The following TRIO variants were observed in gnomAD, a reference collection of about 807,000 sequenced individuals.
TRIO encodes the protein triple functional domain protein.
A neutral mutation model predicts 351.9 loss-of-function variants in TRIO; 58 were observed. The ratio of observed to expected loss-of-function variants is 0.16; its 90% CI spans 0.13 to 0.21. The LOEUF (loss-of-function observed/expected upper bound fraction) is 0.21, where lower values mean the gene tolerates loss of function less well. Ranked by LOEUF, TRIO falls within the 10% of genes least tolerant of loss-of-function variation. The probability of loss-of-function intolerance (pLI) is 1.00; values close to 1 mark genes in which losing one functional copy is unlikely to be tolerated. For synonymous variants in TRIO, 1,758 were observed against 1,595.7 expected, an observed-to-expected ratio of 1.10 and a Z score of -2.42; for missense variants, 3,201 against 4,027.8, an observed-to-expected ratio of 0.79 and a Z score of 5.56.
chr5:14,235,581 T>C (rs1181157871), intron 1 of TRIO, among the ~76,000 whole-genome samples: 1 of 152,160 alleles, frequency 6.6e-6, no homozygotes, highest in Non-Finnish European at 1.5e-5. Flanking sequence ...ATGTTTGTTG[T>C]TACAGTTACA....
intron 39 of TRIO, 132 bp downstream of exon 39, chr5:14,472,790 G>A (rs1285452588): frequency 6.2e-6 from 6 of 961,952 alleles, no homozygotes; most frequent in South Asian, 4.2e-5. Flanking sequence ...AGTGACCAAC[G>A]ATGTATTTCC....
At chr5:14,357,179 G>A (rs753428386) in intron 11 of TRIO, among the ~76,000 whole-genome samples, 1 of 152,220 alleles carries the variant, frequency 6.6e-6, no homozygotes, top group Non-Finnish European at 1.5e-5. Flanking sequence ...GTGCAGTTTT[G>A]ACTTATGAGT....
chr5:14,442,384 G>T (rs1752124873), intron 34 of TRIO, among the ~76,000 whole-genome samples: 1 of 152,144 alleles, frequency 6.6e-6, no homozygotes, highest in Non-Finnish European at 1.5e-5. Context: ...AAAGAAAGGG[G>T]GTAGGGTGTC....
chr5:14,447,105 AC>A (rs1411771449), intron 34 of TRIO, among the ~76,000 whole-genome samples: 8 of 152,110 alleles, frequency 5.3e-5, no homozygotes, highest in Non-Finnish European at 1.2e-4. Context: ...GGTGGCGGGC[AC>A]CTATAATTCC....
chr5:14,369,071 C>G (rs566950873), intron 17 of TRIO, among the ~76,000 whole-genome samples, 172 bp downstream of exon 17: 1 of 152,258 alleles, frequency 6.6e-6, no homozygotes, highest in Non-Finnish European at 1.5e-5. Flanking sequence ...CCTTAGATGT[C>G]AAAGGTAATA....
At chr5:14,446,420 G>A (rs1027037042) in intron 34 of TRIO, among the ~76,000 whole-genome samples, 1 of 152,072 alleles carries the variant, frequency 6.6e-6, no homozygotes, top group African/African-American at 2.4e-5. Flanking sequence ...CAAAAAAGTG[G>A]GAGACAGCTC....
At chr5:14,456,305 T>A (rs1255183159) in intron 34 of TRIO, among the ~76,000 whole-genome samples, 1 of 152,224 alleles carries the variant, frequency 6.6e-6, no homozygotes, top group Non-Finnish European at 1.5e-5. Context: ...CTCAGCCAGC[T>A]CAGAGAGGGG....
At chr5:14,380,428 A>C (rs185355) in intron 20 of TRIO, among the ~76,000 whole-genome samples, 2 of 151,780 alleles carry the variant, frequency 1.3e-5, no homozygotes, top group Non-Finnish European at 2.9e-5. Flanking sequence ...GTCGTATCCC[A>C]TCCCGCTTCC....
At chr5:14,437,454 T>G (rs1362145710) in intron 34 of TRIO, among the ~76,000 whole-genome samples, 2 of 152,194 alleles carry the variant, frequency 1.3e-5, no homozygotes, top group African/African-American at 4.8e-5. Context: ...CACACACTCA[T>G]GCCCTGATGA....
At position 14,419,621 on chromosome 5, in the gene TRIO, T is replaced by C. The variant is rs181038570; in HGVS notation, c.4960-157T>C. On this transcript the variant is annotated intron_variant, in intron 33 of 56. Transcript: ENST00000344204. The stretch of plus-strand genomic sequence containing the variant: ...TTGGAAGCTCTTATGAAAAATCATA[T>C]TTTCATACGGAGAGTGCAGTGATCA... Among the ~76,000 whole-genome samples the C allele has an allele frequency of 7.2e-5, 11 of 152,268 alleles. No individual in the cohort carries two copies. The East Asian group carries it at 2.1e-3, about 29-fold the overall frequency.
In TRIO at chr5:14,509,604, T is replaced by G. The variant is rs952747471; in HGVS notation, c.*1182T>G. 1 of 327,164 alleles carries G rather than the reference T, an allele frequency of 3.1e-6. No individual in the cohort carries two copies. The highest frequency in any genetic ancestry group is 2.2e-5 in the African/African-American group (1 of 44,778). 20.3% of individuals were successfully genotyped at this position (327,164 alleles called of 1,614,324 possible). On this transcript the variant is annotated 3_prime_UTR_variant, in exon 57 of 57. Transcript: ENST00000344204. ...CAAAATCAGTCTGGACATTTACTAC[T>G]TTTTAGACTTTTTGACGTTGAACTT...
At chr5:14,279,417 A>G (rs1258091531) in intron 2 of TRIO, among the ~76,000 whole-genome samples, 1 of 152,184 alleles carries the variant, frequency 6.6e-6, no homozygotes, top group East Asian at 1.9e-4. Flanking sequence ...GTGCACAGAA[A>G]ATAATGAAGA....
intron 31 of TRIO, among the ~76,000 whole-genome samples, chr5:14,404,733 G>A (rs550424666): frequency 1.3e-5 from 2 of 152,296 alleles, no homozygotes; most frequent in South Asian, 4.1e-4. Flanking sequence ...GGAGAAGAGG[G>A]AGCAAGAGGC....
chr5:14,381,079 C>G, intron 20 of TRIO, 51 bp from the exon 21 acceptor site: 1 of 1,566,782 alleles, frequency 6.4e-7, no homozygotes, highest in African/African-American at 1.4e-5. Context: ...GCTTTGGGCT[C>G]CTCTCAGGAA....
chr5:14,397,334 C>A, intron 29 of TRIO, 180 bp downstream of exon 29: 1 of 556,620 alleles, frequency 1.8e-6, no homozygotes, highest in Non-Finnish European at 3.1e-6. Context: ...TTTCTATACT[C>A]ATTGAAAGCC....
intron 31 of TRIO, 138 bp from the exon 32 acceptor site, chr5:14,405,710 C>T (rs757321541): frequency 6.1e-6 from 6 of 986,824 alleles, no homozygotes; most frequent in South Asian, 4.0e-5. Flanking sequence ...GCATATTAAA[C>T]GTCGGATGTG....
intron 1 of TRIO, among the ~76,000 whole-genome samples, chr5:14,187,119 T>C (rs968516533): frequency 6.6e-6 from 1 of 152,208 alleles, no homozygotes; most frequent in Non-Finnish European, 1.5e-5. Flanking sequence ...AACCTGATGC[T>C]AGTATTTTAG....
chr5:14,295,782 G>T (rs1238045517), intron 6 of TRIO, among the ~76,000 whole-genome samples: 1 of 152,166 alleles, frequency 6.6e-6, no homozygotes, highest in Non-Finnish European at 1.5e-5. Flanking sequence ...AGCCAGAGAG[G>T]TCACCTTGCT....
intron 8 of TRIO, 77 bp downstream of exon 8, chr5:14,304,669 A>AG (rs1738203970): frequency 6.6e-7 from 1 of 1,510,660 alleles, no homozygotes; most frequent in African/African-American, 1.4e-5. Flanking sequence ...AGAAAAAAAA[A>AG]AGTTTTGGGT....
Sources: allele counts gnomAD v4.1 joint callset (sites outside exome capture counted in the v4.1 genomes callset), GRCh38; gene constraint gnomAD v4.1.1; transcripts MANE v1.5; gene names NCBI Gene and HGNC (gene_info 2026-07-23, HGNC 2026-07-21).